Variants in RAP1A observed in about 807,000 individuals in gnomAD.
RAP1A encodes the protein RAP1A, member of RAS oncogene family.
RAP1A carries 6 observed loss-of-function variants against 26.4 expected under a neutral mutation model. That is an observed-to-expected ratio of 0.23 (90% CI 0.12 to 0.45). RAP1A has a LOEUF of 0.45. RAP1A is among the 20% of genes least tolerant of loss of function. The probability of loss-of-function intolerance (pLI) is 0.99; values close to 1 mark genes in which losing one functional copy is unlikely to be tolerated. For missense variants in RAP1A, 121 were observed against 217.2 expected (o/e 0.56, Z 2.78); for synonymous variants, 73 against 79.4 (o/e 0.92, Z 0.43).
At chr1:111,557,220 A>G (rs1657530608) in intron 1 of RAP1A, among the ~76,000 whole-genome samples, 1 of 152,356 alleles carries the variant, frequency 6.6e-6, no homozygotes, top group Non-Finnish European at 1.5e-5. Flanking sequence ...ACTGAAATGA[A>G]AAATAAGTTT....
chr1:111,706,726 A>G, intron 6 of RAP1A: 1 of 985,564 alleles, frequency 1.0e-6, no homozygotes, highest in Non-Finnish European at 1.2e-6. Context: ...ATTTCTAACC[A>G]AATATTATAG....
chr1:111,617,314 G>C (rs1359506937), upstream of RAP1A, among the ~76,000 whole-genome samples: 1 of 152,186 alleles, frequency 6.6e-6, no homozygotes, highest in African/African-American at 2.4e-5. Context: ...CAGAAACAGT[G>C]TGTGAATGCA....
intron 1 of RAP1A, among the ~76,000 whole-genome samples, chr1:111,555,541 A>T (rs2101040951): frequency 6.6e-6 from 1 of 152,172 alleles, no homozygotes; most frequent in Non-Finnish European, 1.5e-5. Flanking sequence ...ATTTTACAGA[A>T]TTCAGCTTAG....
rs139956570 is a variant in RAP1A at position 111,565,332 on chromosome 1, C to A, written c.-28+22823C>A. Among the ~76,000 whole-genome samples the A allele has an allele frequency of 2.6e-5, 4 of 152,238 alleles. No individual in the cohort carries two copies. In the East Asian group the frequency reaches 7.7e-4, roughly 29 times the overall value. On this transcript the variant is annotated intron_variant, in intron 1 of 7. Coordinates refer to the RAP1A transcript ENST00000356415. ...GGCATTCAACCTCGTTCAAACAAACCAAGCAATTATTTTAGGCCAGAATTG... is the reference window on the plus strand; with the variant it reads ...GGCATTCAACCTCGTTCAAACAAACAAAGCAATTATTTTAGGCCAGAATTG...
chr1:111,608,161 G>A (rs1214369176), intron 1 of RAP1A: 4 of 175,706 alleles, frequency 2.3e-5, no homozygotes, highest in Admixed American at 6.2e-5. Context: ...GCTGCGAGGC[G>A]GAGGGTCTCC....
At chr1:111,667,339 C>G (rs1031264154) in intron 1 of RAP1A, among the ~76,000 whole-genome samples, 2 of 152,234 alleles carry the variant, frequency 1.3e-5, no homozygotes, top group South Asian at 2.1e-4. Flanking sequence ...TTCTTGATAA[C>G]TAATATTCAT....
upstream of RAP1A, chr1:111,542,139 C>T (rs1656854960): frequency 3.7e-6 from 1 of 267,946 alleles, no homozygotes; most frequent in Non-Finnish European, 7.8e-6. Flanking sequence ...GTACAAAGAA[C>T]TATCATGTTT....
chr1:111,711,069 T>C (rs6537713), intron 7 of RAP1A, among the ~76,000 whole-genome samples: 9,644 of 152,232 alleles, frequency 0.063, 313 homozygotes, highest in Non-Finnish European at 0.069. Flanking sequence ...TGACCTCAGG[T>C]GATCCGATCC....
intron 1 of RAP1A, among the ~76,000 whole-genome samples, chr1:111,675,100 T>G (rs967813013): frequency 6.6e-6 from 1 of 152,222 alleles, no homozygotes; most frequent in African/African-American, 2.4e-5. Context: ...CTGTTTCCTT[T>G]GCTTGGAATG....
intron 1 of RAP1A, among the ~76,000 whole-genome samples, chr1:111,605,100 C>A (rs1329198345): frequency 1.3e-5 from 2 of 152,172 alleles, no homozygotes; most frequent in African/African-American, 4.8e-5. Context: ...AGGTAACAGC[C>A]AACAGGAGAA....
At chr1:111,584,217 A>T (rs764262995) in intron 1 of RAP1A, among the ~76,000 whole-genome samples, 1 of 152,170 alleles carries the variant, frequency 6.6e-6, no homozygotes, top group East Asian at 1.9e-4. Context: ...TCATGCATAG[A>T]GAAATGATTG....
chr1:111,675,568 G>A (rs1331898250), intron 1 of RAP1A, among the ~76,000 whole-genome samples: 5 of 152,132 alleles, frequency 3.3e-5, no homozygotes, highest in South Asian at 2.1e-4. Flanking sequence ...TATTCCCATT[G>A]CTTTGTAGTT....
intron 1 of RAP1A, among the ~76,000 whole-genome samples, chr1:111,612,176 A>G (rs1324650900): frequency 6.6e-6 from 1 of 152,210 alleles, no homozygotes; most frequent in Non-Finnish European, 1.5e-5. Flanking sequence ...TGATAAAAAA[A>G]GACTTCACTT....
chr1:111,634,972 G>T (rs1354009907), intron 1 of RAP1A, among the ~76,000 whole-genome samples: 1 of 152,004 alleles, frequency 6.6e-6, no homozygotes, highest in Non-Finnish European at 1.5e-5. Flanking sequence ...CAAACTAAAA[G>T]TTCTAAAATC....
chr1:111,573,427 C>G (rs973067606), intron 1 of RAP1A, among the ~76,000 whole-genome samples: 1 of 151,996 alleles, frequency 6.6e-6, no homozygotes, highest in Non-Finnish European at 1.5e-5. Flanking sequence ...TTTTGCCTCC[C>G]GGGTTGAAGC....
chr1:111,673,866 G>A (rs1031483455), intron 1 of RAP1A, among the ~76,000 whole-genome samples: 2 of 152,182 alleles, frequency 1.3e-5, no homozygotes, highest in Admixed American at 1.3e-4. Context: ...ATATTTGTGA[G>A]TGTACCTGTG....
At chr1:111,587,752 G>T (rs1658403386) in intron 1 of RAP1A, among the ~76,000 whole-genome samples, 1 of 152,026 alleles carries the variant, frequency 6.6e-6, no homozygotes, top group African/African-American at 2.4e-5. Flanking sequence ...TGTTCACCAT[G>T]CCAACAAAAT....
chr1:111,667,169 A>AACTG (rs1429596453), intron 1 of RAP1A, among the ~76,000 whole-genome samples: 1 of 152,106 alleles, frequency 6.6e-6, no homozygotes, highest in Admixed American at 6.5e-5. Flanking sequence ...AAAGAAAAGG[A>AACTG]ACTGACAGAT....
chr1:111,602,264 G>A (rs1031318480), intron 1 of RAP1A: 2 of 152,168 alleles, frequency 1.3e-5, no homozygotes, highest in Non-Finnish European at 2.9e-5. Context: ...CACTTCAGCA[G>A]GATAACAGGA....
Sources: allele counts gnomAD v4.1 joint callset (sites outside exome capture counted in the v4.1 genomes callset), GRCh38; gene constraint gnomAD v4.1.1; transcripts MANE v1.5; gene names NCBI Gene and HGNC (gene_info 2026-07-23, HGNC 2026-07-21).